Variants in ERBB4 observed in about 807,000 individuals in gnomAD.
The protein encoded by ERBB4 is receptor tyrosine-protein kinase erbB-4.
A neutral mutation model predicts 158.0 loss-of-function variants in ERBB4; 42 were observed. The ratio of observed to expected loss-of-function variants is 0.27; its 90% CI spans 0.21 to 0.34. The LOEUF (loss-of-function observed/expected upper bound fraction) is 0.34, where lower values mean the gene tolerates loss of function less well. Among genes scored for constraint, ERBB4 ranks in the 10% least tolerant of loss-of-function variants. The pLI is 1.00. For missense variants in ERBB4, 1,333 were observed against 1,624.1 expected, an observed-to-expected ratio of 0.82 and a Z score of 3.08; for synonymous variants, 583 against 558.7, an observed-to-expected ratio of 1.04 and a Z score of -0.61.
At chr2:211,897,263 C>T (rs2079121432) in intron 3 of ERBB4, among the ~76,000 whole-genome samples, 1 of 151,838 alleles carries the variant, frequency 6.6e-6, no homozygotes, top group Admixed American at 6.6e-5. Flanking sequence ...TGAAAGTGTG[C>T]TCTTATTTAT....
chr2:212,287,226 C>CT (rs1489100230), intron 1 of ERBB4, among the ~76,000 whole-genome samples: 1 of 152,002 alleles, frequency 6.6e-6, no homozygotes, highest in African/African-American at 2.4e-5. Flanking sequence ...ATAAATGTGC[C>CT]TTTATTTTTC....
In ERBB4 at chr2:211,657,161, A is replaced by C. The variant is rs192464405; in HGVS notation, c.1946+593T>G. Among the ~76,000 whole-genome samples the C allele has an allele frequency of 5.4e-4, 82 of 152,162 alleles. 1 individual carries two copies. Among genetic ancestry groups the C allele is most frequent in the Admixed American group, 9.8e-4 (15 of 15,290 alleles). ...TCATCTATTGAATTAAGAGCAAAAA[A>C]TATTCTATTAAAGGTATATATTAAT... On this transcript the variant is annotated intron_variant, in intron 16 of 27. Coordinates refer to ENST00000342788, the MANE Select transcript of ERBB4 (RefSeq NM_005235.3).
chr2:212,525,339 T>C (rs886404509), intron 1 of ERBB4, among the ~76,000 whole-genome samples: 2 of 151,950 alleles, frequency 1.3e-5, no homozygotes, highest in African/African-American at 4.8e-5. Context: ...GTACAATTAC[T>C]GAAAACCTTA....
chr2:212,386,178 T>C (rs1292423144), intron 1 of ERBB4, among the ~76,000 whole-genome samples: 1 of 151,842 alleles, frequency 6.6e-6, no homozygotes. Flanking sequence ...GAACTGAGTG[T>C]TTTTTATCGA....
At chr2:212,355,392 T>C (rs1328391048) in intron 1 of ERBB4, among the ~76,000 whole-genome samples, 1 of 152,056 alleles carries the variant, frequency 6.6e-6, no homozygotes, top group Non-Finnish European at 1.5e-5. Context: ...AAGTAAACTA[T>C]GAAGTTTGCT....
intron 3 of ERBB4, among the ~76,000 whole-genome samples, chr2:211,881,014 T>C (rs1229638086): frequency 2.6e-5 from 4 of 152,162 alleles, no homozygotes; most frequent in Non-Finnish European, 5.9e-5. Context: ...TTCCACTCAA[T>C]GGGTGCCAAG....
intron 1 of ERBB4, among the ~76,000 whole-genome samples, chr2:212,230,099 A>G (rs953940949): frequency 6.6e-6 from 1 of 152,188 alleles, no homozygotes; most frequent in African/African-American, 2.4e-5. Flanking sequence ...AGCCTGGCCA[A>G]CACGGTGAAA....
chr2:212,141,699 T>C (rs1212025339), intron 1 of ERBB4, among the ~76,000 whole-genome samples: 1 of 151,946 alleles, frequency 6.6e-6, no homozygotes, highest in African/African-American at 2.4e-5. Flanking sequence ...CACAAAACCA[T>C]ATGCAAATCC....
At chr2:211,637,106 G>C (rs1299930232) in intron 16 of ERBB4, among the ~76,000 whole-genome samples, 1 of 151,790 alleles carries the variant, frequency 6.6e-6, no homozygotes, top group Non-Finnish European at 1.5e-5. Context: ...AGGTAACATT[G>C]GCCATCATCC....
At position 212,149,922 on chromosome 2, in the gene ERBB4, C is replaced by A. The variant is rs532098706; in HGVS notation, c.83-25019G>T. Among the ~76,000 whole-genome samples, 3 of 152,244 alleles carry A rather than the reference C, an allele frequency of 2.0e-5. No homozygotes were observed. In the East Asian group the frequency reaches 5.8e-4, roughly 29 times the overall value. On this transcript the variant is annotated intron_variant, in intron 1 of 27. Coordinates refer to ENST00000342788, the MANE Select transcript of ERBB4 (RefSeq NM_005235.3). The stretch of plus-strand genomic sequence containing the variant: ...TCATAGACTATAAACCCCTTGAGGA[C>A]AGGGACCATGTTTATCTCATCAGGA...
At chr2:212,532,680 TAA>T (rs1029268713) in intron 1 of ERBB4, among the ~76,000 whole-genome samples, 2 of 152,198 alleles carry the variant, frequency 1.3e-5, no homozygotes, top group African/African-American at 4.8e-5. Context: ...CCAAACCTCC[TAA>T]CTTTTAGTGC....
At chr2:211,592,210 C>G (rs1235530011) in intron 19 of ERBB4, among the ~76,000 whole-genome samples, 1 of 152,134 alleles carries the variant, frequency 6.6e-6, no homozygotes, top group Non-Finnish European at 1.5e-5. Context: ...CGTTATCAAT[C>G]GGATGAATTC....
chr2:211,471,279 T>C (rs2125526192), intron 20 of ERBB4, among the ~76,000 whole-genome samples: 1 of 152,252 alleles, frequency 6.6e-6, no homozygotes, highest in East Asian at 1.9e-4. Flanking sequence ...TGATATCACC[T>C]GGATCAGAGA....
intron 2 of ERBB4, among the ~76,000 whole-genome samples, chr2:211,956,749 C>T (rs2081046289): frequency 6.6e-6 from 1 of 151,964 alleles, no homozygotes; most frequent in African/African-American, 2.4e-5. Context: ...ACAATTGGTA[C>T]TACATAGCTC....
intron 20 of ERBB4, among the ~76,000 whole-genome samples, chr2:211,502,777 T>G (rs1349363204): frequency 6.6e-6 from 1 of 152,208 alleles, no homozygotes; most frequent in Admixed American, 6.5e-5. Context: ...ATAAATGCCT[T>G]GTGTAAAACT....
chr2:212,413,101 G>A (rs1437382237), intron 1 of ERBB4, among the ~76,000 whole-genome samples: 2 of 149,756 alleles, frequency 1.3e-5, no homozygotes, highest in Non-Finnish European at 3.0e-5. Flanking sequence ...CTGAGTAGCT[G>A]GGATTACAGG....
chr2:212,033,387 A>G (rs1179745799), intron 2 of ERBB4, among the ~76,000 whole-genome samples: 2 of 151,974 alleles, frequency 1.3e-5, no homozygotes, highest in African/African-American at 2.4e-5. Context: ...CAAGGCAACC[A>G]AAATAATATC....
intron 15 of ERBB4, among the ~76,000 whole-genome samples, chr2:211,658,440 A>G (rs148094993): frequency 1.3e-5 from 2 of 152,320 alleles, no homozygotes; most frequent in East Asian, 1.9e-4. Flanking sequence ...CCTGATGCTC[A>G]ATGCTCATTA....
At position 211,383,375 on chromosome 2, in the gene ERBB4, C is replaced by A; in HGVS notation, c.*240G>T. 1.9e-6 allele frequency: 1 copy of A among 528,028 alleles called. No homozygotes were observed. The allele number at this position is 528,028 out of a possible 1,614,324, so 32.7% of individuals were successfully genotyped here. A position where few individuals can be genotyped will look rare whatever the true frequency, so the allele number is the denominator to read the frequency against. On this transcript the variant is annotated 3_prime_UTR_variant, in exon 28 of 28. Transcript: ENST00000342788. The stretch of plus-strand genomic sequence containing the variant: ...GGTCCTTCTCTAGCTGTTTCATTCT[C>A]CTGACCAACCCATGCAGAGAAATGA...
Sources: gnomAD v4.1 joint callset for allele counts (sites outside exome capture counted in the v4.1 genomes callset) on GRCh38, gnomAD v4.1.1 for gene constraint, MANE v1.5 for transcripts, NCBI Gene and HGNC (gene_info 2026-07-23, HGNC 2026-07-21) for gene names.